The following FAM227A variants were observed in gnomAD, a reference collection of about 807,000 sequenced individuals.
FAM227A encodes family with sequence similarity 227 member A.
FAM227A carries 80 observed loss-of-function variants against 74.7 expected under a neutral mutation model. The ratio of observed to expected loss-of-function variants is 1.07; its 90% CI spans 0.89 to 1.29. FAM227A has a LOEUF of 1.29. FAM227A is among the 50% of genes most tolerant of loss of function. The pLI is 0.00. For synonymous variants in FAM227A, 237 were observed against 241.8 expected (o/e 0.98, Z 0.19); for missense variants, 654 against 683.4 (o/e 0.96, Z 0.48).
rs199943796 is a variant in FAM227A, at chr22:38,626,276, C to G, written c.754G>C (p.Val252Leu). 2 of 1,551,564 alleles carry G rather than the reference C, an allele frequency of 1.3e-6. No homozygotes were observed. The highest frequency in any genetic ancestry group is 1.7e-6 in the Non-Finnish European group (2 of 1,146,888). Residue 252 changes from valine (V) to leucine (L), a missense_variant, in exon 9 of 17, where the codon GTG becomes CTG. By Grantham distance (32) the Val-to-Leu change is conservative. Transcript: ENST00000535113. The stretch of plus-strand genomic sequence containing the variant: ...AAGCAGCAACAGAAGCTGGTGTACA[C>G]GGCTTTGCTGAGAAGTGATGGCAGC... ...KRLPSLLSKAVYTSFCCCFPQ... is the reference protein window; with the variant it reads ...KRLPSLLSKALYTSFCCCFPQ...
At chr22:38,616,169 CA>C (rs1406123520) in intron 11 of FAM227A, among the ~76,000 whole-genome samples, 4 of 152,138 alleles carry the variant, frequency 2.6e-5, no homozygotes, top group African/African-American at 9.7e-5. Flanking sequence ...AAAACACTGT[CA>C]AAAGTTTGGC....
chr22:38,645,510 C>CGG, intron 3 of FAM227A, 53 bp downstream of exon 3: 1 of 1,242,696 alleles, frequency 8.0e-7, no homozygotes, highest in South Asian at 1.3e-5. Context: ...TGATGATCCC[C>CGG]GGGGCCCTTC....
intron 1 of FAM227A, among the ~76,000 whole-genome samples, chr22:38,653,454 G>A (rs2092349729): frequency 6.7e-6 from 1 of 149,938 alleles, no homozygotes. Flanking sequence ...TTGGCTCAGT[G>A]CAAACTCCGC....
At chr22:38,590,414 AG>A (rs2090907231) in intron 16 of FAM227A, among the ~76,000 whole-genome samples, 1 of 152,134 alleles carries the variant, frequency 6.6e-6, no homozygotes, top group East Asian at 1.9e-4. Flanking sequence ...CAGGACTATA[AG>A]GAGACAGACT....
At chr22:38,619,650 G>C (rs1323798747) in intron 11 of FAM227A, among the ~76,000 whole-genome samples, 2 of 152,178 alleles carry the variant, frequency 1.3e-5, no homozygotes, top group South Asian at 2.1e-4. Flanking sequence ...AGGGTCGGGG[G>C]ATAGGATAGG....
At chr22:38,624,657 G>C (rs1029008125) in intron 9 of FAM227A, among the ~76,000 whole-genome samples, 4 of 152,146 alleles carry the variant, frequency 2.6e-5, no homozygotes, top group East Asian at 1.9e-4. Context: ...TCTATGTGAC[G>C]ATCCCAATGA....
intron 5 of FAM227A, 126 bp from the exon 6 acceptor site, chr22:38,636,723 G>C: frequency 1.2e-6 from 1 of 838,430 alleles, no homozygotes; most frequent in Non-Finnish European, 1.8e-6. Context: ...AAAATGAGGG[G>C]TGTTTAGGAT....
At chr22:38,636,620 G>GA in intron 5 of FAM227A, 23 bp from the exon 6 acceptor site, 1 of 1,547,372 alleles carries the variant, frequency 6.5e-7, no homozygotes, top group Non-Finnish European at 8.7e-7. Flanking sequence ...AGCAGAATAT[G>GA]AAAATGGGGT....
chr22:38,626,036 T>A, intron 9 of FAM227A, 144 bp downstream of exon 9: 4 of 710,002 alleles, frequency 5.6e-6, no homozygotes, highest in African/African-American at 3.7e-5. Flanking sequence ...TCCAACCACA[T>A]ACTTTGCTCT....
intron 3 of FAM227A, among the ~76,000 whole-genome samples, chr22:38,640,474 C>T (rs941027024): frequency 1.3e-5 from 2 of 152,130 alleles, no homozygotes; most frequent in African/African-American, 4.8e-5. Context: ...TTCTCTTGAT[C>T]TCTGACTCTT....
At chr22:38,644,387 A>G (rs2092186234) in intron 3 of FAM227A, among the ~76,000 whole-genome samples, 1 of 151,008 alleles carries the variant, frequency 6.6e-6, no homozygotes. Flanking sequence ...CTACAATGGT[A>G]GATACATGTC....
At chr22:38,635,388 CAG>C (rs934291866) in intron 6 of FAM227A, among the ~76,000 whole-genome samples, 3 of 151,876 alleles carry the variant, frequency 2.0e-5, no homozygotes, top group African/African-American at 7.3e-5. Flanking sequence ...GTTAGGAGCT[CAG>C]GGGACAATGA....
Position 38,579,908 on chromosome 22 carries a change from T to C in FAM227A, c.*6217A>G, listed in dbSNP as rs1286946893. ...TCCAAATAATGTCCACATGTTGTAA[T>C]TGATTGATGTCTTTTTTTTTTCTTT... is the stretch of plus-strand genomic sequence containing the variant. On this transcript the variant is annotated 3_prime_UTR_variant, in exon 17 of 17. Transcript: ENST00000535113. The C allele has an allele frequency of 2.0e-5, 3 of 152,096 alleles. No homozygotes were observed. The highest frequency in any genetic ancestry group is 2.9e-5 in the Non-Finnish European group (2 of 68,018). The allele number at this position is 152,096 out of a possible 1,614,324, so 9.4% of individuals were successfully genotyped here.
At chr22:38,645,322 CAG>C (rs1312686381) in intron 3 of FAM227A, among the ~76,000 whole-genome samples, 1 of 151,988 alleles carries the variant, frequency 6.6e-6, no homozygotes, top group Admixed American at 6.6e-5. Context: ...ACCCAAGAGA[CAG>C]AGGTTGCAGT....
rs982282346 is a variant in FAM227A at position 38,582,016 on chromosome 22, T to C, written c.*4109A>G. ...CCTTGGCCTTCCAAAGTGCTGGGAT[T>C]ACAGGTGTGAGCCACCATGCCTGGC... On this transcript the variant is annotated 3_prime_UTR_variant, in exon 17 of 17. Coordinates refer to ENST00000535113, the MANE Select transcript of FAM227A (RefSeq NM_001013647.2). 1.1e-4 allele frequency: 26 copies of C among 236,116 alleles called. No individual in the cohort carries two copies. The highest frequency in any genetic ancestry group is 2.1e-4 in the Non-Finnish European group (26 of 121,914). The allele number at this position is 236,116 out of a possible 1,614,324, so 14.6% of individuals were successfully genotyped here.
chr22:38,582,225 A>C lies in FAM227A; in HGVS notation c.*3900T>G. 1 of 1,009,940 alleles carries C rather than the reference A, an allele frequency of 9.9e-7. No homozygotes were observed. Among genetic ancestry groups the C allele is most frequent in the Admixed American group, 2.4e-5 (1 of 41,938 alleles). The allele number at this position is 1,009,940 out of a possible 1,614,324, so 62.6% of individuals were successfully genotyped here. A position where few individuals can be genotyped will look rare whatever the true frequency, so the allele number is the denominator to read the frequency against. On this transcript the variant is annotated 3_prime_UTR_variant, in exon 17 of 17. Transcript: ENST00000535113. Reference sequence around the variant, plus strand: ...TGTAACCCCTTCCAGCTTCCCTCCTATCCCCTCTCCAGCTATCCCTCCTGT... The same window carrying C: ...TGTAACCCCTTCCAGCTTCCCTCCTCTCCCCTCTCCAGCTATCCCTCCTGT...
chr22:38,629,323 C>G (rs1434041788), intron 6 of FAM227A, among the ~76,000 whole-genome samples: 3 of 152,218 alleles, frequency 2.0e-5, no homozygotes, highest in Non-Finnish European at 4.4e-5. Flanking sequence ...TAGCAGTAAG[C>G]ATGTGGAATT....
Position 38,637,663 on chromosome 22 carries a change from G to A in FAM227A, c.373-1066C>T, listed in dbSNP as rs544330853. On this transcript the variant is annotated intron_variant, in intron 5 of 16. Transcript: ENST00000535113. ...TGCAGTCAGGTGGCAGCTCCGCCAT[G>A]TGCTGGCTGTGCCACCTTTGCAGGA... Among the ~76,000 whole-genome samples the A allele has an allele frequency of 4.9e-4, 74 of 152,362 alleles. 2 individuals carry two copies. In the South Asian group the frequency reaches 0.015, roughly 31 times the overall value.
chr22:38,600,665 A>C (rs2091154280), intron 13 of FAM227A, among the ~76,000 whole-genome samples: 1 of 152,114 alleles, frequency 6.6e-6, no homozygotes, highest in African/African-American at 2.4e-5. Flanking sequence ...TATAGAAAAT[A>C]ATTTAGTAAA....
Sources: gnomAD v4.1 joint callset for allele counts (sites outside exome capture counted in the v4.1 genomes callset) on GRCh38, gnomAD v4.1.1 for gene constraint, MANE v1.5 for transcripts, NCBI Gene and HGNC (gene_info 2026-07-23, HGNC 2026-07-21) for gene names.